The following PTPRG variants were observed in gnomAD, a reference collection of about 807,000 sequenced individuals.
PTPRG encodes receptor-type tyrosine-protein phosphatase gamma.
Under a neutral mutation model 165.3 loss-of-function variants are expected in PTPRG, and 102 were observed. The ratio of observed to expected loss-of-function variants is 0.62; its 90% confidence interval spans 0.53 to 0.73. The LOEUF (loss-of-function observed/expected upper bound fraction) is 0.73. PTPRG is among the 30% of genes least tolerant of loss of function. The pLI is 0.00. For synonymous variants in PTPRG, 675 were observed against 669.5 expected (o/e 1.01, Z -0.13); for missense variants, 1,866 against 1,861.4 (o/e 1.00, Z -0.05).
chr3:61,913,802 T>G (rs1340076620), intron 2 of PTPRG, among the ~76,000 whole-genome samples: 1 of 152,190 alleles, frequency 6.6e-6, no homozygotes, highest in East Asian at 1.9e-4. Flanking sequence ...GTGAACATAC[T>G]TGGTTATGTG....
chr3:62,151,285 T>C (rs1270477883), intron 6 of PTPRG, among the ~76,000 whole-genome samples: 1 of 152,218 alleles, frequency 6.6e-6, no homozygotes, highest in Non-Finnish European at 1.5e-5. Flanking sequence ...AAGAAAAATT[T>C]AATCATCTTC....
intron 2 of PTPRG, among the ~76,000 whole-genome samples, chr3:61,781,854 A>G (rs1289753601): frequency 2.7e-5 from 4 of 149,360 alleles, no homozygotes; most frequent in East Asian, 3.9e-4. Flanking sequence ...CAGCCTCCCA[A>G]GTAGCTGGGA....
At position 62,228,396 on chromosome 3, in the gene PTPRG, C is replaced by G. The variant is rs1344020896; in HGVS notation, c.2289-2829C>G. ...AATTAGCCGGATGTGGTGGTGGGTG[C>G]CTGTAATCCCAGCTACTTGGGAGGC... On this transcript the variant is annotated intron_variant, in intron 13 of 29. Transcript: ENST00000474889. The surrounding 1 kb of genome is among the most constrained non-coding windows in gnomAD (Gnocchi z 4.1). Among the ~76,000 whole-genome samples, 1 of 151,756 alleles carries G rather than the reference C, an allele frequency of 6.6e-6. No individual in the cohort carries two copies. Among genetic ancestry groups the G allele is most frequent in the Non-Finnish European group, 1.5e-5 (1 of 67,956 alleles).
At chr3:61,994,635 G>A (rs2040976524) in intron 3 of PTPRG, among the ~76,000 whole-genome samples, 1 of 152,202 alleles carries the variant, frequency 6.6e-6, no homozygotes, top group Non-Finnish European at 1.5e-5. Flanking sequence ...GTTGCATTGA[G>A]TTTACTTTAC....
At chr3:62,090,578 A>T (rs1373425242) in intron 5 of PTPRG, among the ~76,000 whole-genome samples, 1 of 152,198 alleles carries the variant, frequency 6.6e-6, no homozygotes, top group East Asian at 1.9e-4. Flanking sequence ...CATCCGACTA[A>T]AACAGATCAG....
At chr3:61,874,657 G>A (rs2037675161) in intron 2 of PTPRG, among the ~76,000 whole-genome samples, 1 of 152,150 alleles carries the variant, frequency 6.6e-6, no homozygotes, top group African/African-American at 2.4e-5. Flanking sequence ...AGGCAATTTT[G>A]ATTGTTAGGC....
chr3:61,632,935 G>GCATGC (rs1247251254), intron 1 of PTPRG, among the ~76,000 whole-genome samples: 2 of 152,086 alleles, frequency 1.3e-5, no homozygotes, highest in African/African-American at 4.8e-5. Context: ...TGCTTACCTT[G>GCATGC]CATGCCGGCT....
At chr3:61,748,265 G>T (rs776666639) in intron 1 of PTPRG, among the ~76,000 whole-genome samples, 5 of 152,156 alleles carry the variant, frequency 3.3e-5, no homozygotes, top group Non-Finnish European at 7.3e-5. Context: ...CTGTGTTTGG[G>T]TGGCTGGCTT....
intron 1 of PTPRG, among the ~76,000 whole-genome samples, chr3:61,609,362 A>G (rs1410411252): frequency 2.0e-5 from 3 of 152,134 alleles, no homozygotes; most frequent in Admixed American, 2.0e-4. Context: ...GGGGAACTTT[A>G]TATATGTTGT....
chr3:62,014,230 C>G (rs1213352593), intron 4 of PTPRG, among the ~76,000 whole-genome samples: 4 of 152,246 alleles, frequency 2.6e-5, no homozygotes, highest in African/African-American at 9.6e-5. Context: ...TCATTGCACC[C>G]CCCCTTTAAT....
chr3:61,777,672 G>A (rs537341058), intron 2 of PTPRG, among the ~76,000 whole-genome samples: 5 of 152,266 alleles, frequency 3.3e-5, no homozygotes, highest in African/African-American at 1.2e-4. Context: ...GTGGAAATCC[G>A]GGAAGACTTT....
intron 1 of PTPRG, among the ~76,000 whole-genome samples, chr3:61,563,748 G>A (rs1459465080): frequency 6.6e-6 from 1 of 152,162 alleles, no homozygotes; most frequent in African/African-American, 2.4e-5. Context: ...TTGGTGCAGC[G>A]GGTCCCTTAG....
At chr3:61,741,495 C>A (rs1436876981) in intron 1 of PTPRG, among the ~76,000 whole-genome samples, 1 of 152,182 alleles carries the variant, frequency 6.6e-6, no homozygotes, top group Non-Finnish European at 1.5e-5. Flanking sequence ...GCTTCTAAGT[C>A]CTTTGGAATG....
chr3:61,706,422 G>C (rs1383943284), intron 1 of PTPRG, among the ~76,000 whole-genome samples: 1 of 151,084 alleles, frequency 6.6e-6, no homozygotes, highest in East Asian at 1.9e-4. Context: ...CAAATTCCTT[G>C]CTTTGGAGAA....
chr3:62,088,728 G>C lies in PTPRG; in HGVS notation c.615+10470G>C, dbSNP rs1575988264. ...GCTTTTGAACTTGAAATCAGCGAGA[G>C]CTAGTTTAAAAAACTCATAGGAAGA... On this transcript the variant is annotated intron_variant, in intron 5 of 29. Coordinates refer to ENST00000474889, the MANE Select transcript of PTPRG (RefSeq NM_002841.4). 3.9e-5 allele frequency among the ~76,000 whole-genome samples: 6 copies of C among 152,330 alleles called. No homozygotes were observed. The South Asian group carries it at 1.2e-3, about 32-fold the overall frequency.
chr3:61,675,146 C>T (rs1266950465), intron 1 of PTPRG, among the ~76,000 whole-genome samples: 1 of 152,156 alleles, frequency 6.6e-6, no homozygotes, highest in Non-Finnish European at 1.5e-5. Context: ...TAAAAATTGG[C>T]ATATGATGTA....
chr3:61,986,475 TTGAATTC>T, intron 2 of PTPRG, among the ~76,000 whole-genome samples: 1 of 152,344 alleles, frequency 6.6e-6, no homozygotes, highest in African/African-American at 2.4e-5. Context: ...GATGTGTTTA[TTGAATTC>T]ATTAAAAAGG....
intron 2 of PTPRG, among the ~76,000 whole-genome samples, chr3:61,961,675 A>G (rs1485710915): frequency 1.3e-5 from 2 of 152,172 alleles, no homozygotes; most frequent in African/African-American, 4.8e-5. Flanking sequence ...ATGGATCTAC[A>G]TTGCTCAGTC....
At chr3:61,772,918 C>T (rs982479642) in intron 2 of PTPRG, among the ~76,000 whole-genome samples, 2 of 152,076 alleles carry the variant, frequency 1.3e-5, no homozygotes, top group African/African-American at 2.4e-5. Flanking sequence ...ATTATTTCTA[C>T]CACAACGAAT....
Sources: gnomAD v4.1 joint callset for allele counts (sites outside exome capture counted in the v4.1 genomes callset) on GRCh38, gnomAD v4.1.1 for gene constraint, Gnocchi (gnomAD v3.1) non-coding constraint, MANE v1.5 for transcripts, NCBI Gene and HGNC (gene_info 2026-07-23, HGNC 2026-07-21) for gene names.